Variants in CNTLN observed in about 807,000 individuals in gnomAD.
CNTLN encodes centlein.
In CNTLN, 212 loss-of-function variants were observed where a neutral mutation model predicts 180.0. That is an observed-to-expected ratio of 1.18 (90% CI 1.05 to 1.32). CNTLN has a LOEUF of 1.32. CNTLN is among the 40% of genes most tolerant of loss of function. The pLI, the probability that CNTLN is intolerant of heterozygous loss-of-function variation, is 0.00. For synonymous variants in CNTLN, 722 were observed against 563.1 expected (o/e 1.28, Z -3.99); for missense variants, 2,095 against 1,610.9 (o/e 1.30, Z -5.14).
At chr9:17,199,083 T>A (rs1225095774) in intron 2 of CNTLN, among the ~76,000 whole-genome samples, 1 of 152,164 alleles carries the variant, frequency 6.6e-6, no homozygotes, top group African/African-American at 2.4e-5. Context: ...TTTCTGGTTC[T>A]AGATCTATGA....
intron 8 of CNTLN, among the ~76,000 whole-genome samples, chr9:17,318,683 A>G (rs4621917): frequency 0.82 from 124,920 of 152,112 alleles, 51,616 homozygotes; most frequent in Non-Finnish European, 0.87. Flanking sequence ...GAAGTTAGAT[A>G]GAGGAGAGAT....
chr9:17,292,357 A>T (rs1394945465), intron 6 of CNTLN, among the ~76,000 whole-genome samples: 1 of 152,088 alleles, frequency 6.6e-6, no homozygotes, highest in Non-Finnish European at 1.5e-5. Context: ...CTATCTTGTT[A>T]GGTTAGGGAA....
At chr9:17,374,204 C>T (rs1267894152) in intron 13 of CNTLN, among the ~76,000 whole-genome samples, 2 of 151,972 alleles carry the variant, frequency 1.3e-5, no homozygotes, top group Non-Finnish European at 2.9e-5. Context: ...ACAATATTTG[C>T]AAACTACCCA....
intron 7 of CNTLN, among the ~76,000 whole-genome samples, chr9:17,307,277 A>AT (rs112610955): frequency 1.7e-4 from 25 of 151,448 alleles, no homozygotes; most frequent in South Asian, 1.0e-3. Context: ...AGATAATTTT[A>AT]TTTTTTTTTA....
chr9:17,430,413 A>G (rs1829347652), intron 18 of CNTLN, among the ~76,000 whole-genome samples: 1 of 152,056 alleles, frequency 6.6e-6, no homozygotes, highest in East Asian at 1.9e-4. Flanking sequence ...TACCCATTTT[A>G]AAATTATTGA....
downstream of CNTLN, among the ~76,000 whole-genome samples, chr9:17,507,341 A>G (rs929002744): frequency 6.6e-6 from 1 of 152,110 alleles, no homozygotes; most frequent in African/African-American, 2.4e-5. Flanking sequence ...TTATGGCTGC[A>G]TAGTATTCCA....
chr9:17,246,630 A>G (rs761434849), intron 5 of CNTLN, among the ~76,000 whole-genome samples: 2 of 152,156 alleles, frequency 1.3e-5, no homozygotes, highest in African/African-American at 2.4e-5. Context: ...CCTTCCCTTC[A>G]GTACGGCAAG....
the CNTLN span, among the ~76,000 whole-genome samples, chr9:17,523,743 T>C: frequency 6.6e-6 from 1 of 152,216 alleles, no homozygotes; most frequent in Non-Finnish European, 1.5e-5. Flanking sequence ...TTCTAGAACT[T>C]TTACACTAAT....
At chr9:17,457,880 T>C (rs1424436805) in intron 19 of CNTLN, among the ~76,000 whole-genome samples, 165 bp downstream of exon 19, 3 of 152,018 alleles carry the variant, frequency 2.0e-5, no homozygotes, top group East Asian at 1.9e-4. Flanking sequence ...TGGTAGATTC[T>C]TATCTGGTAA....
chr9:17,400,853 C>A (rs1012700429), intron 15 of CNTLN, among the ~76,000 whole-genome samples: 9 of 152,084 alleles, frequency 5.9e-5, no homozygotes, highest in African/African-American at 2.2e-4. Context: ...TGTAGTCTCA[C>A]ATAACAAAGA....
chr9:17,180,078 T>C (rs995644468), intron 2 of CNTLN, among the ~76,000 whole-genome samples: 1 of 151,870 alleles, frequency 6.6e-6, no homozygotes, highest in Non-Finnish European at 1.5e-5. Context: ...GAGTTTCTTT[T>C]AGTTACTATA....
At chr9:17,272,468 C>G (rs954698599) in intron 5 of CNTLN, among the ~76,000 whole-genome samples, 22 of 152,074 alleles carry the variant, frequency 1.4e-4, no homozygotes, top group Non-Finnish European at 2.8e-4. Context: ...TTTTACCATC[C>G]TCTATTTCTA....
At chr9:17,249,422 C>A (rs1826004500) in intron 5 of CNTLN, among the ~76,000 whole-genome samples, 1 of 148,588 alleles carries the variant, frequency 6.7e-6, no homozygotes, top group Non-Finnish European at 1.5e-5. Flanking sequence ...AATCTTGGCT[C>A]ACTGCAAGCT....
At chr9:17,441,593 C>CAA (rs199758646) in intron 18 of CNTLN, among the ~76,000 whole-genome samples, 14 of 90,828 alleles carry the variant, frequency 1.5e-4, no homozygotes, top group African/African-American at 3.7e-4. Context: ...CGTGTCACTG[C>CAA]AAAAAAAAAA....
chr9:17,173,844 T>C (rs58091700), intron 2 of CNTLN, among the ~76,000 whole-genome samples: 4,902 of 152,292 alleles, frequency 0.032, 198 homozygotes, highest in African/African-American at 0.096. Context: ...ATTTGGCATA[T>C]GCTTGAACCA....
At chr9:17,294,707 G>A (rs1817683116) in intron 6 of CNTLN, among the ~76,000 whole-genome samples, 1 of 143,406 alleles carries the variant, frequency 7.0e-6, no homozygotes, top group African/African-American at 2.6e-5. Context: ...GGATGGGACT[G>A]GCTGCCGTGG....
intron 3 of CNTLN, 36 bp downstream of exon 3, chr9:17,226,323 A>G (rs1459785163): frequency 8.4e-7 from 1 of 1,196,994 alleles, no homozygotes; most frequent in Non-Finnish European, 1.2e-6. Context: ...AATTAACTAT[A>G]TTTGTTTTGG....
At chr9:17,450,553 T>A (rs1347171410) in intron 18 of CNTLN, among the ~76,000 whole-genome samples, 1 of 152,148 alleles carries the variant, frequency 6.6e-6, no homozygotes, top group Non-Finnish European at 1.5e-5. Flanking sequence ...GTTAAAATAG[T>A]GTTGCTGGAA....
At chr9:17,237,480 A>G (rs926328831) in intron 5 of CNTLN, among the ~76,000 whole-genome samples, 1 of 98,956 alleles carries the variant, frequency 1.0e-5, no homozygotes, top group Admixed American at 9.8e-5. Context: ...GCTATTCAGA[A>G]AAAAAAAACA....
Sources: gnomAD v4.1 joint callset for allele counts (sites outside exome capture counted in the v4.1 genomes callset) on GRCh38, gnomAD v4.1.1 for gene constraint, MANE v1.5 for transcripts, NCBI Gene and HGNC (gene_info 2026-07-23, HGNC 2026-07-21) for gene names.